The following LPCAT1 variants were observed in gnomAD, a reference collection of about 807,000 sequenced individuals.
LPCAT1 encodes lysophosphatidylcholine acyltransferase 1.
Under a neutral mutation model 60.9 loss-of-function variants are expected in LPCAT1, and 23 were observed. The ratio of observed to expected loss-of-function variants is 0.38; its 90% CI spans 0.27 to 0.53. The LOEUF is 0.53. Ranked by LOEUF, LPCAT1 falls within the 20% of genes least tolerant of loss-of-function variation. The probability of loss-of-function intolerance (pLI) is 0.82; values close to 1 mark genes in which losing one functional copy is unlikely to be tolerated. For missense variants in LPCAT1, 622 were observed against 723.6 expected (o/e 0.86, Z 1.61); for synonymous variants, 340 against 301.1 (o/e 1.13, Z -1.34).
chr5:1,481,111 G>A lies in LPCAT1; in HGVS notation c.727-135C>T. ...GCAGCCAGGGGGAAGGGAGGAGGGT[G>A]CTAGAGCTCCAGCTTCCCAGAGTCC... On this transcript the variant is annotated intron_variant, in intron 6 of 13. Coordinates refer to ENST00000283415, the MANE Select transcript of LPCAT1 (RefSeq NM_024830.5). This position sits in a 1 kb window ranked among gnomAD's most constrained non-coding sequence, Gnocchi z 7.8. The A allele has an allele frequency of 9.1e-7, 1 of 1,098,804 alleles. No individual in the cohort carries two copies. The highest frequency in any genetic ancestry group is 1.3e-5 in the South Asian group (1 of 79,142). 68.1% of individuals were successfully genotyped at this position (1,098,804 alleles called of 1,614,324 possible).
intron 1 of LPCAT1, among the ~76,000 whole-genome samples, chr5:1,503,076 C>G (rs1453303237): frequency 6.6e-6 from 1 of 152,168 alleles, no homozygotes; most frequent in Admixed American, 6.5e-5. Flanking sequence ...ACCTGTGTCT[C>G]CACCCTGTCA....
intron 2 of LPCAT1, among the ~76,000 whole-genome samples, chr5:1,500,771 T>A (rs566357132): frequency 3.3e-5 from 5 of 152,330 alleles, no homozygotes; most frequent in African/African-American, 1.2e-4. Context: ...TTAGCCCAAT[T>A]TTAATAAGAC....
chr5:1,501,786 G>A (rs401268), intron 1 of LPCAT1, among the ~76,000 whole-genome samples, 183 bp from the exon 2 acceptor site: 8 of 152,050 alleles, frequency 5.3e-5, no homozygotes, highest in South Asian at 2.1e-4. Flanking sequence ...AAGGCTGACC[G>A]AGGCTGACCA....
Position 1,480,474 on chromosome 5 carries a change from C to A in LPCAT1, c.761+468G>T. On this transcript the variant is annotated intron_variant, in intron 7 of 13. Coordinates refer to ENST00000283415, the MANE Select transcript of LPCAT1 (RefSeq NM_024830.5). The surrounding 1 kb of genome is among the most constrained non-coding windows in gnomAD (Gnocchi z 6.4). ...GGGCTTCTCCTCTGGGGCTCGTTCC[C>A]GTTTCCGTGGGGTTGTTCATTGTTG... 1.7e-6 allele frequency: 1 copy of A among 596,946 alleles called. No homozygotes were observed. The highest frequency in any genetic ancestry group is 2.1e-6 in the Non-Finnish European group (1 of 475,172). The allele number at this position is 596,946 out of a possible 1,614,324, so 37.0% of individuals were successfully genotyped here.
In LPCAT1 at chr5:1,499,634, A is replaced by G. The variant is rs986603610; in HGVS notation, c.278+1827T>C. On this transcript the variant is annotated intron_variant, in intron 2 of 13. Transcript: ENST00000283415. Reference sequence around the variant, plus strand: ...AGCCCGTGATGATCCTGTTGCCCCTAAAGAACCCAGGCTGCCCCAGGTCAC... The same window carrying G: ...AGCCCGTGATGATCCTGTTGCCCCTGAAGAACCCAGGCTGCCCCAGGTCAC... 9.2e-5 allele frequency among the ~76,000 whole-genome samples: 14 copies of G among 152,318 alleles called. 1 individual carries two copies. The highest frequency in any genetic ancestry group is 3.4e-3 in the Middle Eastern group (1 of 294).
intron 2 of LPCAT1, among the ~76,000 whole-genome samples, chr5:1,497,387 G>A (rs928255777): frequency 2.0e-5 from 3 of 152,174 alleles, no homozygotes; most frequent in Non-Finnish European, 2.9e-5. Flanking sequence ...CGCAGGCCCC[G>A]GCTCTGCAGG....
chr5:1,474,719 C>A lies in LPCAT1; in HGVS notation c.900-34G>T, dbSNP rs1050155944. ...AGGGCAGCACCCCCGTCAGCCCAGC[C>A]TCGTGGCAGCCAGTTCCCACCGCCC... On this transcript the variant is annotated intron_variant, in intron 9 of 13. Transcript: ENST00000283415. 2.5e-6 allele frequency: 4 copies of A among 1,596,918 alleles called. No homozygotes were observed. In the African/African-American group the frequency reaches 5.4e-5, roughly 21 times the overall value.
At chr5:1,492,027 G>T (rs981673234) in intron 3 of LPCAT1, among the ~76,000 whole-genome samples, 7 of 151,204 alleles carry the variant, frequency 4.6e-5, no homozygotes, top group African/African-American at 1.7e-4. Flanking sequence ...CAGGGGAGAT[G>T]TCTCTGAGCT....
chr5:1,503,727 TAG>T (rs1053996364), intron 1 of LPCAT1, among the ~76,000 whole-genome samples: 4 of 152,338 alleles, frequency 2.6e-5, no homozygotes, highest in African/African-American at 7.2e-5. Flanking sequence ...CTACTGTTTA[TAG>T]AGTCCCTTTT....
chr5:1,520,314 T>A (rs1736631897), intron 1 of LPCAT1, among the ~76,000 whole-genome samples: 1 of 152,184 alleles, frequency 6.6e-6, no homozygotes, highest in African/African-American at 2.4e-5. Context: ...GAGAAAAAGA[T>A]GGCCCACTTT....
At chr5:1,510,863 G>C (rs1050094189) in intron 1 of LPCAT1, 1 of 152,526 alleles carries the variant, frequency 6.6e-6, no homozygotes, top group East Asian at 1.9e-4. Context: ...TGTCTCTGGA[G>C]CAAGGGCCGC....
chr5:1,465,649 G>T (rs932732189), intron 13 of LPCAT1, among the ~76,000 whole-genome samples: 2 of 151,168 alleles, frequency 1.3e-5, no homozygotes, highest in Non-Finnish European at 2.9e-5. Context: ...CACAGACACG[G>T]TAACTAAACA....
chr5:1,483,317 G>A lies in LPCAT1; in HGVS notation c.726+111C>T. The A allele has an allele frequency of 8.5e-7, 1 of 1,173,460 alleles. No individual in the cohort carries two copies. The highest frequency in any genetic ancestry group is 1.5e-5 in the African/African-American group (1 of 66,624). 72.7% of individuals were successfully genotyped at this position (1,173,460 alleles called of 1,614,324 possible). On this transcript the variant is annotated intron_variant, in intron 6 of 13. Transcript: ENST00000283415. This position sits in a 1 kb window ranked among gnomAD's most constrained non-coding sequence, Gnocchi z 9.2. ...TCAGCATGGCCAAGTGTGGGCTGTG[G>A]CGCAGATAAAGGGTGTGGAGAGACA...
chr5:1,486,675 C>T (rs900084610), intron 5 of LPCAT1, among the ~76,000 whole-genome samples: 4 of 152,144 alleles, frequency 2.6e-5, no homozygotes, highest in South Asian at 2.1e-4. Context: ...GTCAGGATCA[C>T]GCACCACACA....
At chr5:1,464,578 G>A (rs1258718626) in intron 13 of LPCAT1, among the ~76,000 whole-genome samples, 2 of 151,708 alleles carry the variant, frequency 1.3e-5, no homozygotes, top group East Asian at 1.9e-4. Context: ...ACACACACAC[G>A]GTAACCAAAC....
intron 3 of LPCAT1, among the ~76,000 whole-genome samples, chr5:1,494,272 T>C (rs892592956): frequency 3.3e-5 from 5 of 152,336 alleles, no homozygotes; most frequent in Admixed American, 2.0e-4. Context: ...CACTGTAGCC[T>C]GTTATGATAG....
At chr5:1,517,882 A>C (rs1201027762) in intron 1 of LPCAT1, among the ~76,000 whole-genome samples, 1 of 152,204 alleles carries the variant, frequency 6.6e-6, no homozygotes, top group Non-Finnish European at 1.5e-5. Context: ...ACGGGGGACG[A>C]GGGGACAAGG....
rs1391102562 is a variant in LPCAT1, at chr5:1,470,239, T to A, written c.1278+587A>T. Among the ~76,000 whole-genome samples, 3 of 152,344 alleles carry A rather than the reference T, an allele frequency of 2.0e-5. No individual in the cohort carries two copies. In the East Asian group the frequency reaches 5.8e-4, roughly 29 times the overall value. ...CATTGGTGCTGCTGGAGCCTCAGAA[T>A]AGGCCAGGCCAAACCCTCAGGGTTA... On this transcript the variant is annotated intron_variant, in intron 12 of 13. Transcript: ENST00000283415.
Position 1,477,398 on chromosome 5 carries a change from A to G in LPCAT1, c.899+6T>C. The G allele has an allele frequency of 6.2e-7, 1 of 1,613,436 alleles. No homozygotes were observed. The highest frequency in any genetic ancestry group is 8.5e-7 in the Non-Finnish European group (1 of 1,179,468). On this transcript the variant is annotated splice_donor_region_variant and intron_variant, in intron 9 of 13. Coordinates refer to ENST00000283415, the MANE Select transcript of LPCAT1 (RefSeq NM_024830.5). This position sits in a 1 kb window ranked among gnomAD's most constrained non-coding sequence, Gnocchi z 6.0. ...TCGGCGATGGGGGAAGGAGCTGCTC[A>G]CTTACTCGGCCATGACTCGCCGCAC... is the stretch of plus-strand genomic sequence containing the variant.
Sources: gnomAD v4.1 joint callset for allele counts (sites outside exome capture counted in the v4.1 genomes callset) on GRCh38, gnomAD v4.1.1 for gene constraint, Gnocchi (gnomAD v3.1) non-coding constraint, MANE v1.5 for transcripts, NCBI Gene and HGNC (gene_info 2026-07-23, HGNC 2026-07-21) for gene names.